The following SGMS1 variants were observed in gnomAD, a reference collection of about 807,000 sequenced individuals.
The protein encoded by SGMS1 is sphingomyelin synthase 1, also known as phosphatidylcholine:ceramide cholinephosphotransferase 1.
A neutral mutation model predicts 46.2 loss-of-function variants in SGMS1; 13 were observed. That is an observed-to-expected ratio of 0.28 (90% confidence interval 0.18 to 0.45). The LOEUF (loss-of-function observed/expected upper bound fraction) is 0.45, where lower values mean the gene tolerates loss of function less well. Among genes scored for constraint, SGMS1 ranks in the 20% least tolerant of loss-of-function variants. SGMS1 has a pLI of 1.00. For missense variants in SGMS1, 324 were observed against 519.9 expected (o/e 0.62, Z 3.66); for synonymous variants, 203 against 187.8 (o/e 1.08, Z -0.66).
intron 2 of SGMS1, among the ~76,000 whole-genome samples, chr10:50,587,066 C>T (rs1329217822): frequency 1.3e-5 from 2 of 152,036 alleles, no homozygotes; most frequent in Non-Finnish European, 2.9e-5. Context: ...TTATATATTA[C>T]ACACACACAC....
At chr10:50,393,497 C>T (rs1848805415) in intron 6 of SGMS1, among the ~76,000 whole-genome samples, 2 of 152,168 alleles carry the variant, frequency 1.3e-5, no homozygotes, top group Non-Finnish European at 2.9e-5. Context: ...CTCAACCTCT[C>T]CTTATTTCCT....
At chr10:50,329,874 C>T (rs1847590820) in intron 7 of SGMS1, among the ~76,000 whole-genome samples, 2 of 152,068 alleles carry the variant, frequency 1.3e-5, no homozygotes, top group Admixed American at 1.3e-4. Flanking sequence ...TGTTTGGTCG[C>T]GTTTATCTAT....
At chr10:50,313,245 G>A (rs925959531) in intron 8 of SGMS1, among the ~76,000 whole-genome samples, 3 of 152,194 alleles carry the variant, frequency 2.0e-5, no homozygotes, top group African/African-American at 7.2e-5. Flanking sequence ...GGATCATGAA[G>A]GAGGAGTCAC....
chr10:50,577,066 T>TA (rs1838391622), intron 2 of SGMS1, among the ~76,000 whole-genome samples: 1 of 152,180 alleles, frequency 6.6e-6, no homozygotes, highest in Middle Eastern at 3.2e-3. Context: ...TTCCTTTTCA[T>TA]AAAAAAGGTT....
At chr10:50,624,265 C>T (rs1445630855), upstream of SGMS1, 6 of 367,294 alleles carry the variant, frequency 1.6e-5, no homozygotes, top group Non-Finnish European at 1.9e-5. Context: ...GGGGCAGGGC[C>T]GGAGACGGGA....
Position 50,353,197 on chromosome 10 carries a change from C to T in SGMS1, c.-231-8852G>A, listed in dbSNP as rs190477120. Among the ~76,000 whole-genome samples, 1,021 of 152,388 alleles carry T rather than the reference C, an allele frequency of 6.7e-3. 2 individuals carry two copies. The highest frequency in any genetic ancestry group is 0.023 in the African/African-American group (952 of 41,582). Reference sequence around the variant, plus strand: ...CGATGCAAAAATCCTCAATAAAATACTGGCAAACCGAATCCAGCAGCACAT... The same window carrying T: ...CGATGCAAAAATCCTCAATAAAATATTGGCAAACCGAATCCAGCAGCACAT... On this transcript the variant is annotated intron_variant, in intron 6 of 10. Coordinates refer to ENST00000361781, the MANE Select transcript of SGMS1 (RefSeq NM_147156.4).
At chr10:50,612,920 G>A (rs11006301) in intron 1 of SGMS1, among the ~76,000 whole-genome samples, 57 of 152,302 alleles carry the variant, frequency 3.7e-4, no homozygotes, top group African/African-American at 1.3e-3. Flanking sequence ...TGCTGGCCAG[G>A]CTGATCTCGA....
intron 6 of SGMS1, among the ~76,000 whole-genome samples, chr10:50,359,283 C>T (rs1043024986): frequency 1.3e-5 from 2 of 152,290 alleles, no homozygotes; most frequent in African/African-American, 4.8e-5. Context: ...ATGTTTAATA[C>T]TTAGATTTCA....
At chr10:50,425,547 G>A (rs1458775958) in intron 6 of SGMS1, among the ~76,000 whole-genome samples, 7 of 152,058 alleles carry the variant, frequency 4.6e-5, no homozygotes, top group Non-Finnish European at 1.0e-4. Flanking sequence ...CTAAACATTG[G>A]GTGCACATGG....
intron 8 of SGMS1, among the ~76,000 whole-genome samples, chr10:50,325,876 G>A (rs1847522739): frequency 6.6e-6 from 1 of 152,152 alleles, no homozygotes; most frequent in Non-Finnish European, 1.5e-5. Flanking sequence ...CTGAGAACAT[G>A]CTGCTTATCA....
intron 1 of SGMS1, among the ~76,000 whole-genome samples, chr10:50,622,369 T>A (rs1013938395): frequency 1.3e-5 from 2 of 151,972 alleles, no homozygotes; most frequent in African/African-American, 2.4e-5. Context: ...GTCCCACTCC[T>A]CTCCTTCGGC....
intron 2 of SGMS1, among the ~76,000 whole-genome samples, chr10:50,567,325 A>G (rs1838297560): frequency 6.6e-6 from 1 of 152,122 alleles, no homozygotes; most frequent in Non-Finnish European, 1.5e-5. Flanking sequence ...AGCTGGTTGA[A>G]TCCTCAGATG....
At chr10:50,539,321 G>A (rs911567058) in intron 2 of SGMS1, among the ~76,000 whole-genome samples, 10 of 152,356 alleles carry the variant, frequency 6.6e-5, no homozygotes, top group African/African-American at 1.9e-4. Flanking sequence ...GATCCTCTGT[G>A]CTCCAGTTGA....
chr10:50,344,177 A>T lies in SGMS1; in HGVS notation c.-63T>A, dbSNP rs1847874312. 1 of 1,518,042 alleles carries T rather than the reference A, an allele frequency of 6.6e-7. No homozygotes were observed. The highest frequency in any genetic ancestry group is 2.1e-5 in the Admixed American group (1 of 46,742). The allele number at this position is 1,518,042 out of a possible 1,614,324, so 94.0% of individuals were successfully genotyped here. On this transcript the variant is annotated 5_prime_UTR_variant, in exon 7 of 11. The change creates a premature stop within an existing upstream ORF in the 5' untranslated region. Coordinates refer to ENST00000361781, the MANE Select transcript of SGMS1 (RefSeq NM_147156.4). ...TGGCAGGTCAGCAGTCACTGTTCCG[A>T]CAGGGCAGGACACTGTCCTGCCTCG...
At chr10:50,365,546 A>G (rs573568987) in intron 6 of SGMS1, among the ~76,000 whole-genome samples, 2 of 151,998 alleles carry the variant, frequency 1.3e-5, no homozygotes, top group East Asian at 1.9e-4. Context: ...TAAGTACCAC[A>G]TGCATTTGTT....
At chr10:50,380,880 G>T (rs1244781844) in intron 6 of SGMS1, among the ~76,000 whole-genome samples, 2 of 151,946 alleles carry the variant, frequency 1.3e-5, no homozygotes, top group Non-Finnish European at 2.9e-5. Context: ...ACCAGGCTGC[G>T]GTGCAGTGGT....
chr10:50,574,598 A>G (rs1208121868), intron 2 of SGMS1, among the ~76,000 whole-genome samples: 1 of 152,196 alleles, frequency 6.6e-6, no homozygotes, highest in East Asian at 1.9e-4. Context: ...TCAAAAAGTT[A>G]AAAACTACCA....
At chr10:50,341,092 G>T in intron 7 of SGMS1, 1 of 314,382 alleles carries the variant, frequency 3.2e-6, no homozygotes, top group Non-Finnish European at 6.3e-6. Flanking sequence ...TTAACTCTCT[G>T]CTAAGAATAT....
chr10:50,376,587 C>T (rs1011500591), intron 6 of SGMS1, among the ~76,000 whole-genome samples: 10 of 152,186 alleles, frequency 6.6e-5, no homozygotes, highest in African/African-American at 2.4e-4. Context: ...CCCTGCTCCC[C>T]CAACCCCACG....
Sources: allele counts gnomAD v4.1 joint callset (sites outside exome capture counted in the v4.1 genomes callset), GRCh38; gene constraint gnomAD v4.1.1; transcripts MANE v1.5; gene names NCBI Gene and HGNC (gene_info 2026-07-23, HGNC 2026-07-21).